The following PIP5K1C variants were observed in gnomAD, a reference collection of about 807,000 sequenced individuals.
The protein encoded by PIP5K1C is phosphatidylinositol 4-phosphate 5-kinase type-1 gamma.
PIP5K1C carries 45 observed loss-of-function variants against 80.1 expected under a neutral mutation model. The ratio of observed to expected loss-of-function variants is 0.56; its 90% CI spans 0.44 to 0.72. The LOEUF (loss-of-function observed/expected upper bound fraction) is 0.72, where lower values mean the gene tolerates loss of function less well. Among genes scored for constraint, PIP5K1C ranks in the 30% least tolerant of loss-of-function variants. PIP5K1C has a pLI of 0.00. For missense variants in PIP5K1C, 753 were observed against 954.6 expected (o/e 0.79, Z 2.78); for synonymous variants, 498 against 420.1 (o/e 1.19, Z -2.27).
intron 1 of PIP5K1C, among the ~76,000 whole-genome samples, chr19:3,684,056 G>C (rs1404052951): frequency 1.3e-5 from 2 of 151,956 alleles, no homozygotes; most frequent in African/African-American, 2.4e-5. Flanking sequence ...GCACAGGAGA[G>C]GCAGAGCAGA....
chr19:3,645,584 G>A (rs540721016), intron 11 of PIP5K1C, among the ~76,000 whole-genome samples: 7 of 152,270 alleles, frequency 4.6e-5, no homozygotes, highest in African/African-American at 1.4e-4. Flanking sequence ...CTTGGCGATG[G>A]TGATGCTGTG....
chr19:3,643,075 A>G (rs943440299), intron 13 of PIP5K1C, 136 bp from the exon 14 acceptor site: 3 of 1,454,748 alleles, frequency 2.1e-6, no homozygotes, highest in Non-Finnish European at 2.9e-6. Flanking sequence ...TCCCTCCCAC[A>G]CATTGGATGC....
chr19:3,678,467 TGGA>T (rs2035472784), intron 1 of PIP5K1C, among the ~76,000 whole-genome samples: 1 of 54,100 alleles, frequency 1.8e-5, no homozygotes, highest in Non-Finnish European at 3.7e-5. Flanking sequence ...GGATGGAGGA[TGGA>T]GGGATGGAGG....
At chr19:3,645,942 C>A (rs373302676) in intron 11 of PIP5K1C, 32 bp downstream of exon 11, 4 of 1,566,532 alleles carry the variant, frequency 2.6e-6, no homozygotes, top group Non-Finnish European at 3.5e-6. Flanking sequence ...TCCCCAGGGT[C>A]CCTCCCGCCT....
chr19:3,668,802 T>C (rs2035105407), intron 1 of PIP5K1C, among the ~76,000 whole-genome samples: 1 of 152,150 alleles, frequency 6.6e-6, no homozygotes, highest in Admixed American at 6.5e-5. Flanking sequence ...GGGCTGGTCC[T>C]GTCTGAGCTC....
intron 1 of PIP5K1C, among the ~76,000 whole-genome samples, chr19:3,682,739 G>A (rs936539503): frequency 1.6e-4 from 24 of 151,994 alleles, no homozygotes; most frequent in South Asian, 4.2e-4. Flanking sequence ...TCTTGGAAGC[G>A]GCTCCTCCAG....
Position 3,641,687 on chromosome 19 carries a change from CG to C in PIP5K1C, c.1787+17del. The C allele has an allele frequency of 6.3e-7, 1 of 1,597,016 alleles. No individual in the cohort carries two copies. ...GCAGCAGGTGGGCGCCCCGACCTCC[CG>C]CCGAGGCCGTGCTCACCCTGCGTCC... On this transcript the variant is annotated intron_variant, in intron 15 of 17. Coordinates refer to ENST00000335312, the MANE Select transcript of PIP5K1C (RefSeq NM_012398.3).
intron 1 of PIP5K1C, among the ~76,000 whole-genome samples, chr19:3,676,239 C>T (rs1484536231): frequency 6.6e-6 from 1 of 152,206 alleles, no homozygotes; most frequent in Admixed American, 6.5e-5. Context: ...TGATGGTCCC[C>T]ACCGGGAAGT....
intron 1 of PIP5K1C, among the ~76,000 whole-genome samples, chr19:3,668,832 G>A (rs565312189): frequency 1.3e-5 from 2 of 152,340 alleles, no homozygotes; most frequent in Admixed American, 6.5e-5. Flanking sequence ...CAAGGATGCC[G>A]TGGGAGCCGG....
chr19:3,633,341 C>T (rs548793047), intron 17 of PIP5K1C, 96 bp downstream of exon 17: 50 of 982,744 alleles, frequency 5.1e-5, no homozygotes, highest in African/African-American at 3.6e-4. Context: ...CCTCCCGCCC[C>T]GGGCCTCAGT....
rs1047010537 is a variant in PIP5K1C, at chr19:3,692,351, G to A, written c.94+7946C>T. ...CCACGGCCCCCAACGCTCCCTACAG[G>A]GGCTCCTGGGGCCTCCCTCGCAGCT... On this transcript the variant is annotated intron_variant, in intron 1 of 17. Coordinates refer to ENST00000335312, the MANE Select transcript of PIP5K1C (RefSeq NM_012398.3). The surrounding 1 kb of genome is among the most constrained non-coding windows in gnomAD (Gnocchi z 5.2). 1.3e-5 allele frequency among the ~76,000 whole-genome samples: 2 copies of A among 152,114 alleles called. No individual in the cohort carries two copies. Among genetic ancestry groups the A allele is most frequent in the African/African-American group, 4.8e-5 (2 of 41,416 alleles).
intron 1 of PIP5K1C, among the ~76,000 whole-genome samples, chr19:3,668,035 A>G (rs2035072213): frequency 6.6e-6 from 1 of 151,566 alleles, no homozygotes; most frequent in African/African-American, 2.4e-5. Context: ...CTGCGAGGGG[A>G]CCCCCAGCCC....
intron 1 of PIP5K1C, among the ~76,000 whole-genome samples, chr19:3,686,272 TA>T (rs1036381746): frequency 6.6e-6 from 1 of 151,342 alleles, no homozygotes; most frequent in African/African-American, 2.4e-5. Flanking sequence ...ATACAAAAAT[TA>T]GCCGGGCGTG....
intron 5 of PIP5K1C, 123 bp from the exon 6 acceptor site, chr19:3,656,680 A>T: frequency 8.8e-7 from 1 of 1,137,184 alleles, no homozygotes; most frequent in African/African-American, 1.5e-5. Context: ...CAGATGCGGA[A>T]AGAGAGGCTC....
At position 3,653,293 on chromosome 19, in the gene PIP5K1C, G is replaced by A. The variant is rs2034514754; in HGVS notation, c.918C>T (p.Cys306=). 3 of 1,606,034 alleles carry A rather than the reference G, an allele frequency of 1.9e-6. No individual in the cohort carries two copies. The highest frequency in any genetic ancestry group is 2.5e-6 in the Non-Finnish European group (3 of 1,179,740). ...CCGGCCGGGGCCGAGCCCTCACCAG[G>A]CAGTCCCGCTGCAGCGTCTTGACCA... is the stretch of plus-strand genomic sequence containing the variant. ...SALVKTLQRD[C]LVLESFKIMD... is the part of the protein sequence containing the mutation. Residue 306 remains cysteine, a synonymous_variant, in exon 7 of 18, where the codon TGC becomes TGT. Transcript: ENST00000335312.
chr19:3,643,954 G>A (rs1014440413), intron 12 of PIP5K1C, 133 bp downstream of exon 12: 33 of 1,080,060 alleles, frequency 3.1e-5, no homozygotes, highest in African/African-American at 1.6e-4. Flanking sequence ...CCACTCCCTG[G>A]GCAGGCGGCC....
chr19:3,644,318 C>T (rs573229240), intron 11 of PIP5K1C, 67 bp from the exon 12 acceptor site: 167 of 1,529,450 alleles, frequency 1.1e-4, no homozygotes, highest in East Asian at 3.2e-4. Context: ...CAGACAGGGC[C>T]GCCGCCCACA....
intron 10 of PIP5K1C, 95 bp from the exon 11 acceptor site, chr19:3,646,153 C>A: frequency 2.6e-6 from 2 of 782,854 alleles, no homozygotes; most frequent in Non-Finnish European, 2.3e-6. Context: ...GTGTGGGGGG[C>A]ACCTTCTGTG....
chr19:3,660,287 G>C (rs1432173182), intron 5 of PIP5K1C, among the ~76,000 whole-genome samples: 2 of 152,130 alleles, frequency 1.3e-5, no homozygotes, highest in African/African-American at 4.8e-5. Context: ...AGCTGAGGCA[G>C]GAGAATGGCG....
Sources: allele counts gnomAD v4.1 joint callset (sites outside exome capture counted in the v4.1 genomes callset), GRCh38; gene constraint gnomAD v4.1.1; non-coding constraint Gnocchi (gnomAD v3.1); transcripts MANE v1.5; gene names NCBI Gene and HGNC (gene_info 2026-07-23, HGNC 2026-07-21).